Variants in NFIB observed in about 807,000 individuals in gnomAD.
NFIB encodes the protein nuclear factor I B.
In NFIB, 11 loss-of-function variants were observed where a neutral mutation model predicts 61.5. The observed-to-expected ratio is 0.18, with a 90% confidence interval of 0.11 to 0.30. The LOEUF is 0.30. NFIB is among the 10% of genes least tolerant of loss of function. NFIB has a pLI of 1.00. For missense variants in NFIB, 471 were observed against 608.9 expected (o/e 0.77, Z 2.38); for synonymous variants, 260 against 216.5 (o/e 1.20, Z -1.76).
At position 14,374,581 on chromosome 9, in the gene NFIB, C is replaced by G. The variant is rs1235942026; in HGVS notation, c.108+23943G>C. Among the ~76,000 whole-genome samples the G allele has an allele frequency of 3.3e-5, 5 of 152,092 alleles. No individual in the cohort carries two copies. The East Asian group carries it at 9.6e-4, about 29-fold the overall frequency. ...AGCTGAAGTCTCAGCTCAGGAGTTG[C>G]TCTAAAAGAAGAAATGTCTTTTAAA... On this transcript the variant is annotated intron_variant, in intron 1 of 8. Coordinates refer to the NFIB transcript ENST00000380934.
chr9:14,143,108 A>C (rs1237009235), intron 6 of NFIB, among the ~76,000 whole-genome samples: 3 of 152,284 alleles, frequency 2.0e-5, no homozygotes, highest in Middle Eastern at 3.4e-3. Context: ...GTTAGTTTTA[A>C]AATATTCATG....
At chr9:14,387,586 CAT>C (rs2133020614) in intron 1 of NFIB, among the ~76,000 whole-genome samples, 1 of 152,292 alleles carries the variant, frequency 6.6e-6, no homozygotes, top group Non-Finnish European at 1.5e-5. Context: ...AAGCTATAAA[CAT>C]ATGCCAGTAA....
intron 1 of NFIB, among the ~76,000 whole-genome samples, chr9:14,329,435 T>G (rs1374270448): frequency 6.6e-6 from 1 of 152,126 alleles, no homozygotes; most frequent in Non-Finnish European, 1.5e-5. Context: ...TAATTAACAT[T>G]TGATGTCCAC....
At chr9:14,477,197 G>A in the NFIB span, among the ~76,000 whole-genome samples, 1 of 152,100 alleles carries the variant, frequency 6.6e-6, no homozygotes, top group South Asian at 2.1e-4. Flanking sequence ...TAAAGGTGTG[G>A]CATTAGGAGA....
At chr9:14,501,604 T>G in the NFIB span, among the ~76,000 whole-genome samples, 29 of 152,214 alleles carry the variant, frequency 1.9e-4, no homozygotes, top group Admixed American at 1.3e-4. Context: ...TTTCTTTGTT[T>G]CTGTTGGGAC....
intron 1 of NFIB, among the ~76,000 whole-genome samples, chr9:14,388,910 G>A (rs1476564613): frequency 6.6e-6 from 1 of 152,164 alleles, no homozygotes; most frequent in Non-Finnish European, 1.5e-5. Flanking sequence ...TTCAAGCCTG[G>A]ATGTATATTA....
At chr9:14,124,599 A>G (rs1351969449) in intron 7 of NFIB, among the ~76,000 whole-genome samples, 1 of 152,220 alleles carries the variant, frequency 6.6e-6, no homozygotes, top group African/African-American at 2.4e-5. Flanking sequence ...CTATAAATTT[A>G]AACCAATAAC....
intron 2 of NFIB, among the ~76,000 whole-genome samples, chr9:14,298,900 G>C (rs927523): frequency 0.99 from 150,917 of 152,316 alleles, 74,775 homozygotes; most frequent in Middle Eastern, 1. Flanking sequence ...AGTTGCATCA[G>C]GTAGCAGGGT....
At chr9:14,354,966 G>C (rs914230648) in intron 1 of NFIB, among the ~76,000 whole-genome samples, 4 of 152,002 alleles carry the variant, frequency 2.6e-5, no homozygotes, top group African/African-American at 9.7e-5. Context: ...TGAGAGAAGC[G>C]AACCAGAGGA....
chr9:14,463,640 A>T, the NFIB span, among the ~76,000 whole-genome samples: 1 of 146,714 alleles, frequency 6.8e-6, no homozygotes, highest in African/African-American at 2.5e-5. Context: ...CATTTACATG[A>T]CTGAAGTCAT....
chr9:14,106,773 A>C (rs560318388), intron 10 of NFIB, among the ~76,000 whole-genome samples: 1 of 152,204 alleles, frequency 6.6e-6, no homozygotes, highest in African/African-American at 2.4e-5. Context: ...CTCCTTTGTT[A>C]TTAACAGGGT....
At chr9:14,266,173 C>T (rs762062360) in intron 2 of NFIB, among the ~76,000 whole-genome samples, 3 of 152,202 alleles carry the variant, frequency 2.0e-5, no homozygotes, top group Non-Finnish European at 2.9e-5. Flanking sequence ...GCTCCACTGG[C>T]TTCTAAGTCT....
chr9:14,113,047 T>C lies in NFIB; in HGVS notation c.1419A>G (p.Arg473=). 1.3e-6 allele frequency: 2 copies of C among 1,550,226 alleles called. No individual in the cohort carries two copies. The highest frequency in any genetic ancestry group is 8.7e-7 in the Non-Finnish European group (1 of 1,146,848). The change falls in exon 10 of 11, where the codon CGA becomes CGG. Residue 473 remains arginine (R), a synonymous_variant. Transcript: ENST00000380953. ...YTASGTSQAN[R]YVGLSPRDPS... ...GGTCTCTTGGGCTTAGTCCCACATA[T>C]CGATTGGCTTGAGATGTGCCTGAGG...
intron 1 of NFIB, among the ~76,000 whole-genome samples, chr9:14,340,041 C>G (rs2060932118): frequency 6.6e-6 from 1 of 152,160 alleles, no homozygotes; most frequent in South Asian, 2.1e-4. Flanking sequence ...GACTGAGGCC[C>G]AAAGAGGTCA....
At chr9:14,420,973 C>A in the NFIB span, among the ~76,000 whole-genome samples, 1 of 149,034 alleles carries the variant, frequency 6.7e-6, no homozygotes, top group Admixed American at 6.7e-5. Context: ...CGTTTTTAAA[C>A]TTAGTCTTAG....
chr9:14,408,431 A>T, the NFIB span, among the ~76,000 whole-genome samples: 1 of 152,086 alleles, frequency 6.6e-6, no homozygotes, highest in Admixed American at 6.5e-5. Context: ...TTTCTTCCCC[A>T]TGGTACCATA....
intron 2 of NFIB, among the ~76,000 whole-genome samples, chr9:14,251,554 A>C (rs911192013): frequency 6.6e-6 from 1 of 152,162 alleles, no homozygotes; most frequent in African/African-American, 2.4e-5. Flanking sequence ...TTTTCTCCTG[A>C]CCAGAATAAC....
At chr9:14,164,083 T>A (rs1354755509) in intron 3 of NFIB, among the ~76,000 whole-genome samples, 1 of 149,414 alleles carries the variant, frequency 6.7e-6, no homozygotes, top group Non-Finnish European at 1.5e-5. Flanking sequence ...AAGATGAAAT[T>A]AAACATAAAA....
At chr9:14,521,064 T>C in the NFIB span, among the ~76,000 whole-genome samples, 1 of 152,180 alleles carries the variant, frequency 6.6e-6, no homozygotes, top group Non-Finnish European at 1.5e-5. Context: ...AAAGCAGCAA[T>C]GACACCCTAT....
Sources: gnomAD v4.1 joint callset for allele counts (sites outside exome capture counted in the v4.1 genomes callset) on GRCh38, gnomAD v4.1.1 for gene constraint, MANE v1.5 for transcripts, NCBI Gene and HGNC (gene_info 2026-07-23, HGNC 2026-07-21) for gene names.